The following CADM2 variants were observed in gnomAD, a reference collection of about 807,000 sequenced individuals.
CADM2 encodes immunoglobulin superfamily member 4D.
In CADM2, 12 loss-of-function variants were observed where a neutral mutation model predicts 49.8. The ratio of observed to expected loss-of-function variants is 0.24; its 90% CI spans 0.15 to 0.39. The LOEUF (loss-of-function observed/expected upper bound fraction) is 0.39. Among genes scored for constraint, CADM2 ranks in the 10% least tolerant of loss-of-function variants. CADM2 has a pLI of 1.00. For missense variants in CADM2, 378 were observed against 492.3 expected (o/e 0.77, Z 2.20); for synonymous variants, 214 against 175.4 (o/e 1.22, Z -1.74).
At chr3:85,897,564 C>T (rs1047232481) in intron 5 of CADM2, among the ~76,000 whole-genome samples, 4 of 151,878 alleles carry the variant, frequency 2.6e-5, no homozygotes, top group South Asian at 2.1e-4. Flanking sequence ...CCACCGCGCC[C>T]GGCCTAACCT....
intron 8 of CADM2, among the ~76,000 whole-genome samples, chr3:85,973,601 ACTGC>A (rs1726424843): frequency 4.6e-5 from 7 of 151,890 alleles, no homozygotes; most frequent in Admixed American, 4.6e-4. Context: ...TAATCAGTGT[ACTGC>A]ATACTTTATT....
At chr3:85,769,982 A>G (rs2069988822) in intron 2 of CADM2, among the ~76,000 whole-genome samples, 1 of 149,686 alleles carries the variant, frequency 6.7e-6, no homozygotes, top group African/African-American at 2.5e-5. Context: ...AAATTTATAT[A>G]TGATTCAAAA....
chr3:85,427,184 A>ATAT (rs1553722021), intron 1 of CADM2, among the ~76,000 whole-genome samples: 8 of 126,404 alleles, frequency 6.3e-5, no homozygotes, highest in African/African-American at 2.2e-4. Context: ...ATATATATAT[A>ATAT]TATATATATA....
intron 6 of CADM2, among the ~76,000 whole-genome samples, chr3:85,921,379 CTGTAATAAATCAA>C (rs1269816865): frequency 1.6e-4 from 25 of 151,794 alleles, no homozygotes; most frequent in Non-Finnish European, 3.1e-4. Flanking sequence ...TAGAAAATGA[CTGTAATAAATCAA>C]TGTATTAGAC....
At chr3:85,774,885 G>A (rs1409849328) in intron 2 of CADM2, among the ~76,000 whole-genome samples, 1 of 151,682 alleles carries the variant, frequency 6.6e-6, no homozygotes, top group African/African-American at 2.4e-5. Context: ...ACTAGGTTCA[G>A]TGTAATTAAA....
At chr3:85,320,910 G>A (rs1158195863) in intron 1 of CADM2, among the ~76,000 whole-genome samples, 1 of 146,118 alleles carries the variant, frequency 6.8e-6, no homozygotes, top group African/African-American at 2.5e-5. Flanking sequence ...ATTTCCTATA[G>A]TGGTGATTTA....
chr3:85,742,234 G>T (rs753935949), intron 2 of CADM2, among the ~76,000 whole-genome samples: 4 of 152,164 alleles, frequency 2.6e-5, no homozygotes, highest in African/African-American at 4.8e-5. Flanking sequence ...CCTATGCCAG[G>T]TTGCAGGCAT....
intron 1 of CADM2, among the ~76,000 whole-genome samples, chr3:85,541,768 T>TTA (rs1456006121): frequency 1.5e-4 from 9 of 61,022 alleles, no homozygotes; most frequent in South Asian, 9.9e-4. Context: ...TATATATATT[T>TTA]TATATTTTAT....
intron 1 of CADM2, among the ~76,000 whole-genome samples, chr3:85,384,315 T>G (rs529706961): frequency 2.2e-4 from 34 of 152,096 alleles, no homozygotes; most frequent in Non-Finnish European, 4.4e-4. Flanking sequence ...TTTTCTTCTA[T>G]TTTTTGTTTT....
chr3:85,313,387 C>A (rs1029446288), intron 1 of CADM2, among the ~76,000 whole-genome samples: 1 of 152,204 alleles, frequency 6.6e-6, no homozygotes, highest in Non-Finnish European at 1.5e-5. Context: ...AATGCTTCTC[C>A]TATTCACCAC....
At chr3:85,338,940 G>T (rs2045166234) in intron 1 of CADM2, among the ~76,000 whole-genome samples, 1 of 151,428 alleles carries the variant, frequency 6.6e-6, no homozygotes, top group Admixed American at 6.6e-5. Context: ...TTTAAATAAT[G>T]TATTCTAAAG....
intron 1 of CADM2, among the ~76,000 whole-genome samples, chr3:85,469,140 C>T (rs73843629): frequency 0.011 from 1,732 of 152,262 alleles, 37 homozygotes; most frequent in African/African-American, 0.039. Flanking sequence ...GGGCACATAC[C>T]ACAGCCTCTG....
At chr3:85,745,499 A>T (rs2068580973) in intron 2 of CADM2, among the ~76,000 whole-genome samples, 1 of 152,054 alleles carries the variant, frequency 6.6e-6, no homozygotes, top group Non-Finnish European at 1.5e-5. Context: ...GGCAAAAGAG[A>T]GATTAACAAG....
intron 7 of CADM2, among the ~76,000 whole-genome samples, chr3:85,954,311 A>C (rs1723787049): frequency 6.6e-6 from 1 of 150,970 alleles, no homozygotes; most frequent in South Asian, 2.1e-4. Flanking sequence ...TATTTACTTG[A>C]TCTTCAATAA....
chr3:85,337,069 A>C (rs959153669), intron 1 of CADM2, among the ~76,000 whole-genome samples: 5 of 144,642 alleles, frequency 3.5e-5, no homozygotes, highest in African/African-American at 7.6e-5. Flanking sequence ...TTCATTATCA[A>C]AGTTGACCAT....
intron 8 of CADM2, among the ~76,000 whole-genome samples, chr3:86,049,022 G>T (rs751524764): frequency 6.6e-6 from 1 of 152,008 alleles, no homozygotes; most frequent in Non-Finnish European, 1.5e-5. Context: ...GTAAAGAATT[G>T]TTGTACCCTT....
chr3:85,733,983 G>A (rs558492273), intron 2 of CADM2, among the ~76,000 whole-genome samples: 3 of 152,094 alleles, frequency 2.0e-5, no homozygotes, highest in African/African-American at 4.8e-5. Flanking sequence ...TCTGTAATAA[G>A]GAGAAACAGA....
chr3:85,135,948 G>A (rs2039404850), intron 1 of CADM2, among the ~76,000 whole-genome samples: 1 of 151,974 alleles, frequency 6.6e-6, no homozygotes, highest in Non-Finnish European at 1.5e-5. Flanking sequence ...CAAGTAAAGA[G>A]TAGAGACCCT....
chr3:85,541,722 A>ATTT (rs1559897458), intron 1 of CADM2, among the ~76,000 whole-genome samples: 5 of 134,456 alleles, frequency 3.7e-5, no homozygotes, highest in African/African-American at 1.5e-4. Context: ...TTTATATTAT[A>ATTT]TATATATATT....
Sources: allele counts gnomAD v4.1 joint callset (sites outside exome capture counted in the v4.1 genomes callset), GRCh38; gene constraint gnomAD v4.1.1; transcripts MANE v1.5; gene names NCBI Gene and HGNC (gene_info 2026-07-23, HGNC 2026-07-21).